The following RTBDN variants were observed in gnomAD, a reference collection of about 807,000 sequenced individuals.
RTBDN encodes the protein retbindin.
Under a neutral mutation model 21.9 loss-of-function variants are expected in RTBDN, and 24 were observed. That is an observed-to-expected ratio of 1.10 (90% CI 0.79 to 1.54). The LOEUF (loss-of-function observed/expected upper bound fraction) is 1.54. Ranked by LOEUF, RTBDN falls within the 40% of genes most tolerant of loss-of-function variation. The probability of loss-of-function intolerance (pLI) is 0.00; values close to 1 mark genes in which losing one functional copy is unlikely to be tolerated. For synonymous variants in RTBDN, 141 were observed against 125.9 expected (o/e 1.12, Z -0.80); for missense variants, 325 against 315.2 (o/e 1.03, Z -0.23).
intron 5 of RTBDN, chr19:12,826,350 G>T (rs763386719): frequency 1.6e-6 from 2 of 1,244,688 alleles, no homozygotes. Flanking sequence ...GTGGGAGCAG[G>T]GACCTGGGGA....
chr19:12,834,936 G>C (rs1347669878), upstream of RTBDN: 3 of 1,540,438 alleles, frequency 1.9e-6, no homozygotes. The surrounding 1 kb of genome is among the most constrained non-coding windows in gnomAD (Gnocchi z 4.7). Context: ...GTGCCCCAAG[G>C]CCCTGCCTGG....
chr19:12,826,866 G>A lies in RTBDN; in HGVS notation c.371C>T (p.Ala124Val). ...LCEELCQAWF[A>V]NCEDDITCGP... is the part of the protein sequence containing the mutation. The stretch of plus-strand genomic sequence containing the variant: ...GCAGGTGATATCATCTTCGCAGTTG[G>A]CGAACCTGGAGATGGCGAGTGGAGA... Residue 124 changes from alanine to valine, a missense_variant, in exon 5 of 6, where the codon GCC (alanine) becomes GTC (valine). By Grantham distance (64) the Ala-to-Val change is moderately conservative. Transcript: ENST00000674343. 1 of 1,550,698 alleles carries A rather than the reference G, an allele frequency of 6.4e-7. No individual in the cohort carries two copies. The highest frequency in any genetic ancestry group is 1.2e-5 in the South Asian group (1 of 84,010).
At position 12,834,336 on chromosome 19, in the gene RTBDN, G is replaced by A. The variant is rs1213963832; in HGVS notation, c.-19+153C>T. 1.3e-5 allele frequency among the ~76,000 whole-genome samples: 2 copies of A among 152,202 alleles called. No homozygotes were observed. Among genetic ancestry groups the A allele is most frequent in the African/African-American group, 2.4e-5 (1 of 41,456 alleles). ...TGGCGCCTCGCCAGGCTAGGGGTGA[G>A]GGGGCGCAGAGCAAAGTTATTGCCC... On this transcript the variant is annotated intron_variant, in intron 1 of 5. Transcript: ENST00000674343. The surrounding 1 kb of genome is among the most constrained non-coding windows in gnomAD (Gnocchi z 4.7).
chr19:12,835,013 C>G, upstream of RTBDN: 5 of 1,588,342 alleles, frequency 3.1e-6, no homozygotes, highest in South Asian at 5.6e-5. Context: ...TTAGATAAAG[C>G]CGAGAATGGG....
At chr19:12,826,569 C>A in intron 5 of RTBDN, 1 of 707,316 alleles carries the variant, frequency 1.4e-6, no homozygotes, top group Non-Finnish European at 2.2e-6. Context: ...TGGCATGCGC[C>A]TGAAATCCCA....
Position 12,834,564 on chromosome 19 carries a change from C to A in RTBDN, c.-94G>T. ...GACAGCTTTCTCACTCTTCATTCCA[C>A]CTCCTCCACTACAACATCCGCCCCC... On this transcript the variant is annotated 5_prime_UTR_variant, in exon 1 of 6. Coordinates refer to ENST00000674343, the MANE Select transcript of RTBDN (RefSeq NM_001270441.2). The surrounding 1 kb of genome is among the most constrained non-coding windows in gnomAD (Gnocchi z 4.7). The A allele has an allele frequency of 6.5e-7, 1 of 1,528,038 alleles. No individual in the cohort carries two copies. The highest frequency in any genetic ancestry group is 8.8e-7 in the Non-Finnish European group (1 of 1,140,572). The allele number at this position is 1,528,038 out of a possible 1,614,324, so 94.7% of individuals were successfully genotyped here.
rs1176420266 is a variant in RTBDN at position 12,834,561 on chromosome 19, C to T, written c.-91G>A. 14 of 1,527,654 alleles carry T rather than the reference C, an allele frequency of 9.2e-6. No homozygotes were observed. Among genetic ancestry groups the T allele is most frequent in the Non-Finnish European group, 1.2e-5 (14 of 1,140,376 alleles). 94.6% of individuals were successfully genotyped at this position (1,527,654 alleles called of 1,614,324 possible). ...CTAGACAGCTTTCTCACTCTTCATT[C>T]CACCTCCTCCACTACAACATCCGCC... On this transcript the variant is annotated 5_prime_UTR_variant, in exon 1 of 6. Transcript: ENST00000674343. This position sits in a 1 kb window ranked among gnomAD's most constrained non-coding sequence, Gnocchi z 4.7.
In RTBDN at chr19:12,828,956, G is replaced by C. The variant is rs766202853; in HGVS notation, c.170-3C>G. 1 of 1,614,090 alleles carries C rather than the reference G, an allele frequency of 6.2e-7. No individual in the cohort carries two copies. Among genetic ancestry groups the C allele is most frequent in the South Asian group, 1.1e-5 (1 of 91,074 alleles). ...CATCTCTGAGGGACAACAAGGTCCT[G>C]GCAAAGGGGAACCCTGTGAGCTAGG... On this transcript the variant is annotated splice_region_variant and splice_polypyrimidine_tract_variant and intron_variant, in intron 2 of 5. Coordinates refer to ENST00000674343, the MANE Select transcript of RTBDN (RefSeq NM_001270441.2).
At chr19:12,829,034 C>T in intron 2 of RTBDN, 81 bp from the exon 3 acceptor site, 3 of 1,577,448 alleles carry the variant, frequency 1.9e-6, no homozygotes, top group Non-Finnish European at 2.6e-6. Flanking sequence ...ATCCCCTGGA[C>T]AGGGGAGACA....
rs1457336395 is a variant in RTBDN at position 12,825,589 on chromosome 19, G to A, written c.*117C>T. The A allele has an allele frequency of 7.0e-7, 1 of 1,424,108 alleles. No individual in the cohort carries two copies. The highest frequency in any genetic ancestry group is 1.4e-5 in the African/African-American group (1 of 69,414). The allele number at this position is 1,424,108 out of a possible 1,614,324, so 88.2% of individuals were successfully genotyped here. ...GGGTCTCTGGAGCTCCAGGGAGGAG[G>A]GACAGACATCTCAAAACTATTACAG... On this transcript the variant is annotated 3_prime_UTR_variant, in exon 6 of 6. Coordinates refer to ENST00000674343, the MANE Select transcript of RTBDN (RefSeq NM_001270441.2).
chr19:12,832,123 C>T (rs1002249621), intron 1 of RTBDN, among the ~76,000 whole-genome samples: 21 of 152,040 alleles, frequency 1.4e-4, no homozygotes, highest in African/African-American at 4.8e-4. Flanking sequence ...ATGTGTGGGT[C>T]TGTGTTTGTG....
At chr19:12,827,659 G>A (rs1969368815) in intron 4 of RTBDN, among the ~76,000 whole-genome samples, 1 of 152,016 alleles carries the variant, frequency 6.6e-6, no homozygotes, top group Non-Finnish European at 1.5e-5. Flanking sequence ...TGTTGAGACT[G>A]GGTCTTGCCA....
At chr19:12,827,002 C>T in intron 4 of RTBDN, 131 bp from the exon 5 acceptor site, 1 of 663,466 alleles carries the variant, frequency 1.5e-6, no homozygotes, top group Non-Finnish European at 2.7e-6. Context: ...AACCACTCCC[C>T]TGCTAACTAA....
intron 1 of RTBDN, among the ~76,000 whole-genome samples, chr19:12,832,100 G>A (rs1374906613): frequency 1.3e-5 from 2 of 152,188 alleles, no homozygotes; most frequent in African/African-American, 4.8e-5. Flanking sequence ...TTGTATGTGT[G>A]TTAATTTGCA....
chr19:12,833,167 T>G lies in RTBDN; in HGVS notation c.-19+1322A>C, dbSNP rs528332606. 4.7e-4 allele frequency among the ~76,000 whole-genome samples: 71 copies of G among 151,520 alleles called. 1 individual carries two copies. Among genetic ancestry groups the G allele is most frequent in the African/African-American group, 1.5e-3 (60 of 41,242 alleles). On this transcript the variant is annotated intron_variant, in intron 1 of 5. Transcript: ENST00000674343. ...AGGCTCTGATTGTGGGGCAGGTGGG[T>G]GGGGGGGCATAATATGTATGCACAT...
At chr19:12,833,923 A>G (rs1293816516) in intron 1 of RTBDN, 15 of 385,864 alleles carry the variant, frequency 3.9e-5, no homozygotes, top group Non-Finnish European at 6.4e-5. Flanking sequence ...CGCCGCCGCT[A>G]CCTCCCTCCT....
At chr19:12,835,109 C>T (rs751819985), upstream of RTBDN, 5 of 1,612,914 alleles carry the variant, frequency 3.1e-6, no homozygotes, top group South Asian at 3.3e-5. Flanking sequence ...TTCTAGACTC[C>T]CCTAATCCAT....
chr19:12,829,011 CTG>C (rs1341104920), intron 2 of RTBDN, 58 bp from the exon 3 acceptor site: 2 of 1,605,494 alleles, frequency 1.2e-6, no homozygotes, highest in African/African-American at 2.7e-5. Context: ...GGTTTGGGAA[CTG>C]AGGCCTGGGG....
rs1351716260 is a variant in RTBDN, at chr19:12,830,444, G to C, written c.-18-447C>G. ...GCCCTTCTCTGGGTCACCTTCTCTC[G>C]GCCCACAATCGGCTTAGGGGCCACC... On this transcript the variant is annotated intron_variant, in intron 1 of 5. Transcript: ENST00000674343. The surrounding 1 kb of genome is among the most constrained non-coding windows in gnomAD (Gnocchi z 4.2). 15 of 988,272 alleles carry C rather than the reference G, an allele frequency of 1.5e-5. No homozygotes were observed. Among genetic ancestry groups the C allele is most frequent in the Non-Finnish European group, 1.6e-5 (13 of 831,908 alleles). The allele number at this position is 988,272 out of a possible 1,614,324, so 61.2% of individuals were successfully genotyped here. A position where few individuals can be genotyped will look rare whatever the true frequency, so the allele number is the denominator to read the frequency against.
Sources: gnomAD v4.1 joint callset for allele counts (sites outside exome capture counted in the v4.1 genomes callset) on GRCh38, gnomAD v4.1.1 for gene constraint, Gnocchi (gnomAD v3.1) non-coding constraint, MANE v1.5 for transcripts, NCBI Gene and HGNC (gene_info 2026-07-23, HGNC 2026-07-21) for gene names.